The following CTBP2 variants were observed in gnomAD, a reference collection of about 807,000 sequenced individuals.
CTBP2 encodes the protein C-terminal-binding protein 2.
In CTBP2, 30 loss-of-function variants were observed where a neutral mutation model predicts 80.3. The observed-to-expected ratio is 0.37, with a 90% CI of 0.28 to 0.51. The LOEUF (loss-of-function observed/expected upper bound fraction) is 0.51, where lower values mean the gene tolerates loss of function less well. Among genes scored for constraint, CTBP2 ranks in the 20% least tolerant of loss-of-function variants. The pLI, the probability that CTBP2 is intolerant of heterozygous loss-of-function variation, is 0.93. For synonymous variants in CTBP2, 594 were observed against 587.4 expected (o/e 1.01, Z -0.16); for missense variants, 1,212 against 1,375.3 (o/e 0.88, Z 1.88).
intron 1 of CTBP2, among the ~76,000 whole-genome samples, chr10:125,005,229 C>T (rs1385299929): frequency 3.3e-5 from 5 of 152,214 alleles, no homozygotes; most frequent in African/African-American, 1.2e-4. Flanking sequence ...AGGCTTTTGT[C>T]CCAGCCTCAG....
chr10:125,019,690 G>A (rs1425209949), intron 1 of CTBP2, among the ~76,000 whole-genome samples: 2 of 152,130 alleles, frequency 1.3e-5, no homozygotes, highest in African/African-American at 4.8e-5. Context: ...CAATGTCAGA[G>A]CTAAAACTAA....
intron 1 of CTBP2, among the ~76,000 whole-genome samples, chr10:125,155,881 T>C (rs1446807239): frequency 1.3e-5 from 2 of 152,186 alleles, no homozygotes; most frequent in African/African-American, 4.8e-5. Context: ...AACTGATATC[T>C]GCCAGGCCGC....
intron 5 of CTBP2, 63 bp downstream of exon 7, chr10:124,994,406 T>A: frequency 6.5e-7 from 1 of 1,527,656 alleles, no homozygotes; most frequent in East Asian, 2.3e-5. Flanking sequence ...GTCCCTCTTG[T>A]GCCCACAAGC....
At chr10:125,136,228 G>A (rs1856957719) in intron 1 of CTBP2, among the ~76,000 whole-genome samples, 1 of 152,174 alleles carries the variant, frequency 6.6e-6, no homozygotes, top group Non-Finnish European at 1.5e-5. Context: ...GGTGAGCTGG[G>A]AGGGAGGCCC....
intron 1 of CTBP2, among the ~76,000 whole-genome samples, chr10:125,113,339 T>C (rs1038084882): frequency 6.6e-6 from 1 of 152,250 alleles, no homozygotes; most frequent in Non-Finnish European, 1.5e-5. Context: ...TCTTCCCTAC[T>C]CTAGCTGGCA....
chr10:125,005,275 C>T (rs1304696072), intron 1 of CTBP2, among the ~76,000 whole-genome samples: 1 of 152,216 alleles, frequency 6.6e-6, no homozygotes, highest in Non-Finnish European at 1.5e-5. Context: ...CACAGCCAGC[C>T]CCGCATGGCC....
chr10:125,040,581 A>G (rs984972881), intron 2 of CTBP2, among the ~76,000 whole-genome samples: 1 of 136,000 alleles, frequency 7.4e-6, no homozygotes, highest in African/African-American at 3.1e-5. Flanking sequence ...TTATTTTAAG[A>G]CCACCACCAC....
chr10:125,106,134 T>A (rs71488653), intron 2 of CTBP2, among the ~76,000 whole-genome samples: 6 of 152,082 alleles, frequency 3.9e-5, no homozygotes, highest in African/African-American at 1.4e-4. Context: ...TCCACCAGGG[T>A]TGGCTGATGA....
At chr10:125,065,119 G>A (rs992379289) in intron 2 of CTBP2, among the ~76,000 whole-genome samples, 68 of 152,190 alleles carry the variant, frequency 4.5e-4, no homozygotes, top group African/African-American at 1.6e-3. Flanking sequence ...CATTCCATGG[G>A]CTCCCCAAAC....
At chr10:124,991,428 C>T (rs1952598772) in intron 8 of CTBP2, among the ~76,000 whole-genome samples, 1 of 152,202 alleles carries the variant, frequency 6.6e-6, no homozygotes, top group Non-Finnish European at 1.5e-5. Context: ...CTCCACCCAA[C>T]AGGGGAATCT....
Position 124,988,994 on chromosome 10 carries a change from T to A in CTBP2, c.*524A>T. 1 of 170,318 alleles carries A rather than the reference T, an allele frequency of 5.9e-6. No individual in the cohort carries two copies. The highest frequency in any genetic ancestry group is 1.3e-5 in the Non-Finnish European group (1 of 78,864). The allele number at this position is 170,318 out of a possible 1,614,324, so 10.6% of individuals were successfully genotyped here. On this transcript the variant is annotated 3_prime_UTR_variant, in exon 9 of 9. Coordinates refer to ENST00000309035, the MANE Select transcript of CTBP2 (RefSeq NM_022802.3). ...CGCTTCTCTGTACAGCAGCCTGTACTGTCTTCAATCCTATGCGTGCAGGTG... is the reference window on the plus strand; with the variant it reads ...CGCTTCTCTGTACAGCAGCCTGTACAGTCTTCAATCCTATGCGTGCAGGTG...
chr10:125,099,495 A>T (rs979164325), intron 2 of CTBP2, among the ~76,000 whole-genome samples: 1 of 152,158 alleles, frequency 6.6e-6, no homozygotes, highest in Non-Finnish European at 1.5e-5. Context: ...AAGTTCACTG[A>T]AAGATACCCC....
chr10:125,099,503 C>T (rs1850272500), intron 2 of CTBP2, among the ~76,000 whole-genome samples: 1 of 152,196 alleles, frequency 6.6e-6, no homozygotes, highest in Admixed American at 6.5e-5. Context: ...TGAAAGATAC[C>T]CCCATCCTGA....
At chr10:125,134,050 T>C (rs997439076) in intron 1 of CTBP2, among the ~76,000 whole-genome samples, 3 of 152,162 alleles carry the variant, frequency 2.0e-5, no homozygotes, top group African/African-American at 7.2e-5. Context: ...AGATCAGATT[T>C]GAAAAGGACA....
chr10:125,072,053 GC>G (rs1845566537), intron 2 of CTBP2, among the ~76,000 whole-genome samples: 1 of 152,158 alleles, frequency 6.6e-6, no homozygotes, highest in Non-Finnish European at 1.5e-5. Flanking sequence ...GGCTTTTCTG[GC>G]CAGAACATAA....
intron 1 of CTBP2, among the ~76,000 whole-genome samples, chr10:125,021,845 T>A (rs1233339476): frequency 2.0e-5 from 3 of 152,152 alleles, no homozygotes; most frequent in Non-Finnish European, 2.9e-5. Context: ...GTGTGTTCAA[T>A]GTTTTGCTAG....
At chr10:125,046,713 G>C (rs541547834) in intron 2 of CTBP2, among the ~76,000 whole-genome samples, 1 of 152,082 alleles carries the variant, frequency 6.6e-6, no homozygotes, top group Admixed American at 6.6e-5. Context: ...AATGTACACA[G>C]CAAGTCTCTG....
At chr10:125,052,695 C>T (rs192637793) in intron 2 of CTBP2, among the ~76,000 whole-genome samples, 18 of 152,254 alleles carry the variant, frequency 1.2e-4, no homozygotes, top group Non-Finnish European at 2.4e-4. Context: ...TGCCTCAGTC[C>T]GGGCTTTGTG....
At chr10:125,005,828 A>G (rs2134319364) in intron 1 of CTBP2, 1 of 1,604,492 alleles carries the variant, frequency 6.2e-7, no homozygotes, top group East Asian at 2.2e-5. Flanking sequence ...GGTCGCCCAC[A>G]CACAGTGAGG....
Sources: allele counts gnomAD v4.1 joint callset (sites outside exome capture counted in the v4.1 genomes callset), GRCh38; gene constraint gnomAD v4.1.1; transcripts MANE v1.5; gene names NCBI Gene and HGNC (gene_info 2026-07-23, HGNC 2026-07-21).